Variants in HMCN1 observed in about 807,000 individuals in gnomAD.
HMCN1 encodes hemicentin 1, also known as hemicentin-1.
Under a neutral mutation model 625.9 loss-of-function variants are expected in HMCN1, and 321 were observed. The observed-to-expected ratio is 0.51, with a 90% CI of 0.47 to 0.56. The LOEUF is 0.56. HMCN1 is among the 20% of genes least tolerant of loss of function. The pLI is 0.00. For synonymous variants in HMCN1, 2,425 were observed against 2,417.6 expected, an observed-to-expected ratio of 1.00 and a Z score of -0.09; for missense variants, 6,588 against 6,887.3, an observed-to-expected ratio of 0.96 and a Z score of 1.54.
Position 186,090,783 on chromosome 1 carries a change from A to C in HMCN1, c.9753A>C (p.Glu3251Asp). The C allele has an allele frequency of 6.2e-7, 1 of 1,612,490 alleles. No homozygotes were observed. Among genetic ancestry groups the C allele is most frequent in the East Asian group, 2.2e-5 (1 of 44,802 alleles). ...TTCCTCCAAGTGTTGCTGGTGCTGA[A>C]ATTCCAAGTGATGTCAGTGTCCTTC... ...IQVPPSVAGA[E>D]IPSDVSVLLG... Residue 3251 changes from glutamate (E) to aspartate (D), a missense_variant, in exon 64 of 107, where the codon GAA (glutamate) becomes GAC (aspartate). This residue lies in a region of HMCN1 where 4,628 missense variants were observed against 4,853.1 expected (regional missense o/e 0.95). Coordinates refer to ENST00000271588, the MANE Select transcript of HMCN1 (RefSeq NM_031935.3).
rs1341216848 is a variant in HMCN1, at chr1:186,078,196, C to T, written c.8575C>T (p.Leu2859Phe). The T allele has an allele frequency of 3.7e-6, 6 of 1,611,600 alleles. No homozygotes were observed. Among genetic ancestry groups the T allele is most frequent in the Non-Finnish European group, 8.5e-7 (1 of 1,178,026 alleles). ...TGTGAATGAGGCTGGAGAAGATTCC[C>T]TTCAATATGATGTCCGTGTACTCGG... ...VAVNEAGEDS[L>F]QYDVRVLVPP... The change falls in exon 55 of 107, where the codon CTT becomes TTT. Residue 2859 changes from leucine (L) to phenylalanine (F), a missense_variant. By Grantham distance (22) the Leu-to-Phe change is conservative (BLOSUM62 0). Around this residue, in one of 3 missense-constraint regions of HMCN1, gnomAD observed 4,628 missense variants for 4,853.1 expected, o/e 0.95. Coordinates refer to ENST00000271588, the MANE Select transcript of HMCN1 (RefSeq NM_031935.3).
chr1:185,832,743 C>G (rs898561976), intron 1 of HMCN1, among the ~76,000 whole-genome samples: 8 of 152,084 alleles, frequency 5.3e-5, no homozygotes, highest in Admixed American at 2.0e-4. Flanking sequence ...ATCAGGACCA[C>G]AAGAAAAAGA....
rs531492513 is a variant in HMCN1 at position 186,156,162 on chromosome 1, CAG to C, written c.15256+2178_15256+2179del. Among the ~76,000 whole-genome samples the C allele has an allele frequency of 1.5e-3, 235 of 151,972 alleles. 1 individual carries two copies. Among genetic ancestry groups the C allele is most frequent in the African/African-American group, 5.4e-3 (226 of 41,478 alleles). On this transcript the variant is annotated intron_variant, in intron 97 of 106. Transcript: ENST00000271588. Reference sequence around the variant, plus strand: ...TAAAGTATATATTTTACAAATGAATCAGAGTATCAGAAATTATGCAGGAATAT... The same window carrying C: ...TAAAGTATATATTTTACAAATGAATCAGTATCAGAAATTATGCAGGAATAT...
At chr1:186,138,099 T>G in intron 89 of HMCN1, 127 bp downstream of exon 89, 1 of 1,019,680 alleles carries the variant, frequency 9.8e-7, no homozygotes, top group Non-Finnish European at 1.5e-6. Context: ...GAGAATATGT[T>G]CATTCACTAT....
intron 1 of HMCN1, among the ~76,000 whole-genome samples, chr1:185,776,621 A>G (rs2102159739): frequency 6.6e-6 from 1 of 152,228 alleles, no homozygotes; most frequent in East Asian, 1.9e-4. Flanking sequence ...TCTGCTGGGG[A>G]TGAATTGTTT....
chr1:185,789,450 T>C lies in HMCN1; in HGVS notation c.268+54403T>C, dbSNP rs114560115. ...CCTAATTACCATATTCTCACTGTGA[T>C]ATAATGAAGAATGTTTGATTATGTT... On this transcript the variant is annotated intron_variant, in intron 1 of 106. Coordinates refer to ENST00000271588, the MANE Select transcript of HMCN1 (RefSeq NM_031935.3). Among the ~76,000 whole-genome samples, 1,116 of 152,318 alleles carry C rather than the reference T, an allele frequency of 7.3e-3. 9 individuals carry two copies. Among genetic ancestry groups the C allele is most frequent in the Middle Eastern group, 0.027 (8 of 294 alleles).
At position 186,166,244 on chromosome 1, in the gene HMCN1, C is replaced by A. The variant is rs375549812; in HGVS notation, c.15380C>A (p.Thr5127Asn). The A allele has an allele frequency of 3.7e-6, 6 of 1,613,986 alleles. No homozygotes were observed. In the African/African-American group the frequency reaches 8.0e-5, roughly 22 times the overall value. Residue 5127 changes from threonine to asparagine, a missense_variant, in exon 99 of 107, where the codon ACT becomes AAT. By Grantham distance (65) the Thr-to-Asn change is moderately conservative. Coordinates refer to ENST00000271588, the MANE Select transcript of HMCN1 (RefSeq NM_031935.3). ...CSHSCHNAMG[T>N]YYCSCPKGLT... ...CATAGCTGCCACAATGCCATGGGGA[C>A]TTACTACTGCTCCTGCCCTAAAGGC...
intron 1 of HMCN1, among the ~76,000 whole-genome samples, chr1:185,769,466 G>A (rs1326191176): frequency 2.6e-5 from 4 of 151,832 alleles, no homozygotes; most frequent in Non-Finnish European, 5.9e-5. Flanking sequence ...AAGAAAAGAT[G>A]TTATAATATA....
chr1:186,093,019 A>G, intron 64 of HMCN1, 115 bp from the exon 65 acceptor site: 1 of 1,369,852 alleles, frequency 7.3e-7, no homozygotes, highest in Admixed American at 1.7e-5. Flanking sequence ...GTAGAATTTC[A>G]GTTGGTTGCT....
At chr1:186,158,180 T>A (rs1161141371) in intron 97 of HMCN1, among the ~76,000 whole-genome samples, 1 of 150,426 alleles carries the variant, frequency 6.6e-6, no homozygotes, top group Non-Finnish European at 1.5e-5. Flanking sequence ...TTTGCATTTC[T>A]CTGATGGCCA....
At chr1:185,784,523 CT>C (rs1657419262) in intron 1 of HMCN1, among the ~76,000 whole-genome samples, 1 of 151,178 alleles carries the variant, frequency 6.6e-6, no homozygotes, top group Admixed American at 6.6e-5. Context: ...TTTTTTTTGC[CT>C]TTTTATTGCT....
chr1:186,057,763 C>G (rs1263138502), intron 46 of HMCN1, among the ~76,000 whole-genome samples: 1 of 151,978 alleles, frequency 6.6e-6, no homozygotes, highest in African/African-American at 2.4e-5. Flanking sequence ...TAAAATACTT[C>G]TATAACCAAA....
intron 2 of HMCN1, among the ~76,000 whole-genome samples, chr1:185,862,853 T>G (rs867612792): frequency 1.3e-5 from 2 of 152,210 alleles, no homozygotes; most frequent in South Asian, 2.1e-4. Flanking sequence ...ACCTAATATT[T>G]AATGAGTCTC....
At chr1:186,085,557 C>T (rs143521567) in intron 57 of HMCN1, among the ~76,000 whole-genome samples, 1 of 152,244 alleles carries the variant, frequency 6.6e-6, no homozygotes, top group Non-Finnish European at 1.5e-5. Flanking sequence ...GGCTTCAACA[C>T]ATGAATTTGC....
intron 1 of HMCN1, among the ~76,000 whole-genome samples, chr1:185,819,518 C>G (rs924728309): frequency 6.6e-6 from 1 of 151,922 alleles, no homozygotes; most frequent in Non-Finnish European, 1.5e-5. Flanking sequence ...ATGTTTTTTT[C>G]AGGAACTAAA....
chr1:186,139,791 G>GTA (rs1244352412), intron 89 of HMCN1, among the ~76,000 whole-genome samples: 3 of 152,030 alleles, frequency 2.0e-5, no homozygotes, highest in African/African-American at 7.2e-5. Context: ...TGTAGTAGGA[G>GTA]TATCTATACC....
intron 13 of HMCN1, 66 bp downstream of exon 13, chr1:185,963,961 A>T (rs1458048131): frequency 5.0e-6 from 7 of 1,409,750 alleles, no homozygotes; most frequent in Non-Finnish European, 3.0e-6. Flanking sequence ...ATGCAAAAGT[A>T]CTTTTTTGAA....
At chr1:185,977,458 A>G (rs1651299546) in intron 15 of HMCN1, among the ~76,000 whole-genome samples, 1 of 152,156 alleles carries the variant, frequency 6.6e-6, no homozygotes, top group Non-Finnish European at 1.5e-5. Flanking sequence ...TTAAAGTTTG[A>G]GCAATTTGAC....
intron 105 of HMCN1, 74 bp downstream of exon 105, chr1:186,182,361 C>G (rs16825040): frequency 0.28 from 432,985 of 1,560,504 alleles, 62,247 homozygotes; most frequent in Middle Eastern, 0.34. Flanking sequence ...AGTTTTTTTT[C>G]AATAATCATT....
Sources: gnomAD v4.1 joint callset for allele counts (sites outside exome capture counted in the v4.1 genomes callset) on GRCh38, gnomAD v4.1.1 for gene constraint, gnomAD v4.1.1 regional missense constraint, MANE v1.5 for transcripts, NCBI Gene and HGNC (gene_info 2026-07-23, HGNC 2026-07-21) for gene names.